Variants in TMCO4 observed in about 807,000 individuals in gnomAD.
TMCO4 encodes transmembrane and coiled-coil domain-containing protein 4.
Under a neutral mutation model 64.7 loss-of-function variants are expected in TMCO4, and 58 were observed. The observed-to-expected ratio is 0.90, with a 90% confidence interval of 0.73 to 1.12. The LOEUF is 1.12. TMCO4 is among the 50% of genes most tolerant of loss of function. The pLI is 0.00. For synonymous variants in TMCO4, 325 were observed against 346.1 expected, an observed-to-expected ratio of 0.94 and a Z score of 0.68; for missense variants, 780 against 825.9, an observed-to-expected ratio of 0.94 and a Z score of 0.68.
At chr1:19,707,637 C>A (rs901754891) in intron 13 of TMCO4, among the ~76,000 whole-genome samples, 3 of 152,074 alleles carry the variant, frequency 2.0e-5, no homozygotes, top group Admixed American at 6.6e-5. Flanking sequence ...AAATATATAA[C>A]CCCTTGAAGT....
chr1:19,741,877 C>G (rs1426830730), intron 10 of TMCO4, among the ~76,000 whole-genome samples: 1 of 151,764 alleles, frequency 6.6e-6, no homozygotes, highest in East Asian at 1.9e-4. Flanking sequence ...GCTGGAATTA[C>G]AGGCACCCAC....
At chr1:19,795,209 G>A (rs2044248118) in intron 2 of TMCO4, among the ~76,000 whole-genome samples, 1 of 151,862 alleles carries the variant, frequency 6.6e-6, no homozygotes, top group East Asian at 1.9e-4. Flanking sequence ...AGTGGCTCAC[G>A]CCTGCAATCC....
At chr1:19,698,516 T>C (rs1260803641) in intron 14 of TMCO4, among the ~76,000 whole-genome samples, 1 of 152,242 alleles carries the variant, frequency 6.6e-6, no homozygotes, top group Non-Finnish European at 1.5e-5. Context: ...GCTTTATTCA[T>C]GTAAATTACA....
At chr1:19,718,729 TG>T (rs1287185235) in intron 13 of TMCO4, among the ~76,000 whole-genome samples, 1 of 151,002 alleles carries the variant, frequency 6.6e-6, no homozygotes. Flanking sequence ...CCAAGGTGAC[TG>T]GGAAGAAGAA....
chr1:19,780,339 A>G (rs1307477726), intron 4 of TMCO4, among the ~76,000 whole-genome samples: 1 of 152,204 alleles, frequency 6.6e-6, no homozygotes, highest in African/African-American at 2.4e-5. Context: ...AACAGGAGGC[A>G]GAGGTCAGGC....
chr1:19,754,765 T>C (rs1182824385), intron 7 of TMCO4, among the ~76,000 whole-genome samples: 3 of 152,138 alleles, frequency 2.0e-5, no homozygotes, highest in Non-Finnish European at 4.4e-5. Context: ...GCAAAGCAAC[T>C]CTACAACTGA....
chr1:19,791,438 C>T (rs1450871236), intron 2 of TMCO4, among the ~76,000 whole-genome samples: 3 of 152,276 alleles, frequency 2.0e-5, no homozygotes, highest in East Asian at 3.9e-4. Context: ...CCCATGGTTC[C>T]AACTCTATGG....
Position 19,779,663 on chromosome 1 carries a change from C to A in TMCO4, c.179+917G>T, listed in dbSNP as rs114179299. Among the ~76,000 whole-genome samples the A allele has an allele frequency of 3.4e-3, 518 of 152,318 alleles. 4 individuals are homozygous for A. The highest frequency in any genetic ancestry group is 0.011 in the African/African-American group (463 of 41,568). On this transcript the variant is annotated intron_variant, in intron 4 of 15. Coordinates refer to ENST00000294543, the MANE Select transcript of TMCO4 (RefSeq NM_181719.7). ...CTGTTACAATCAGCCACCTGGGCAC[C>A]CCTACCTAGATGTAAGCACCTTGAG...
Position 19,746,613 on chromosome 1 carries a change from A to G in TMCO4, c.614-14T>C. ...CTCCAGTCACACCTGTGGGAAAAGC[A>G]GCAGTTTCAGGTGGGAGTAAAAATG... On this transcript the variant is annotated splice_polypyrimidine_tract_variant and intron_variant, in intron 8 of 15. Transcript: ENST00000294543. 1 of 1,596,140 alleles carries G rather than the reference A, an allele frequency of 6.3e-7. No homozygotes were observed. The highest frequency in any genetic ancestry group is 1.1e-5 in the South Asian group (1 of 89,568).
intron 4 of TMCO4, 151 bp downstream of exon 4, chr1:19,780,428 CG>C: frequency 3.3e-6 from 3 of 906,230 alleles, no homozygotes; most frequent in Middle Eastern, 5.7e-4. Context: ...TACTGGTCCA[CG>C]GCCTGGAGGT....
chr1:19,737,036 A>G (rs1297908593), intron 13 of TMCO4, among the ~76,000 whole-genome samples: 3 of 152,120 alleles, frequency 2.0e-5, no homozygotes, highest in Admixed American at 2.0e-4. Context: ...AAAATCCTCC[A>G]CTAGAGCCTT....
chr1:19,697,271 G>A (rs754584206), intron 14 of TMCO4, among the ~76,000 whole-genome samples: 10 of 152,202 alleles, frequency 6.6e-5, no homozygotes, highest in African/African-American at 1.7e-4. Flanking sequence ...ATATATATAC[G>A]TTTTGAGACA....
chr1:19,760,695 C>CTA (rs987336994), intron 6 of TMCO4, among the ~76,000 whole-genome samples: 4 of 152,236 alleles, frequency 2.6e-5, no homozygotes, highest in African/African-American at 7.2e-5. Flanking sequence ...TTTAAAACAA[C>CTA]TATATATATA....
At chr1:19,733,055 C>T (rs1236758100) in intron 13 of TMCO4, among the ~76,000 whole-genome samples, 2 of 152,134 alleles carry the variant, frequency 1.3e-5, no homozygotes, top group South Asian at 2.1e-4. Context: ...CACTTGAGGT[C>T]GGGAGTTTGG....
chr1:19,703,839 C>T (rs1205697240), intron 13 of TMCO4, among the ~76,000 whole-genome samples: 4 of 152,124 alleles, frequency 2.6e-5, no homozygotes, highest in East Asian at 1.9e-4. Context: ...TGAACCACCA[C>T]GCCCGTCCAG....
chr1:19,745,869 G>A (rs747086176), intron 9 of TMCO4, among the ~76,000 whole-genome samples: 86 of 152,240 alleles, frequency 5.6e-4, no homozygotes, highest in East Asian at 1.7e-3. Flanking sequence ...GCCAGCCCCC[G>A]AGCGGTAGAG....
chr1:19,701,961 C>T lies in TMCO4; in HGVS notation c.1265-1076G>A, dbSNP rs568758628. On this transcript the variant is annotated intron_variant, in intron 13 of 15. Coordinates refer to ENST00000294543, the MANE Select transcript of TMCO4 (RefSeq NM_181719.7). ...ACCAGCTTGGGCAACATAGTGAGAC[C>T]CTTGTCTTTTATTTATTTATTTCTT... Among the ~76,000 whole-genome samples the T allele has an allele frequency of 1.6e-3, 237 of 151,946 alleles. 5 individuals are homozygous for T. The Middle Eastern group carries it at 0.021, about 13-fold the overall frequency.
chr1:19,773,315 A>T (rs2043067512), intron 4 of TMCO4, among the ~76,000 whole-genome samples: 1 of 152,128 alleles, frequency 6.6e-6, no homozygotes, highest in East Asian at 1.9e-4. Flanking sequence ...CTGGGGAGGG[A>T]AGGGAGGAAG....
chr1:19,795,894 G>C (rs2044283579), intron 2 of TMCO4, among the ~76,000 whole-genome samples: 1 of 152,204 alleles, frequency 6.6e-6, no homozygotes, highest in Non-Finnish European at 1.5e-5. Context: ...GGCACCTGTG[G>C]ACGGGCCTAA....
Sources: gnomAD v4.1 joint callset for allele counts (sites outside exome capture counted in the v4.1 genomes callset) on GRCh38, gnomAD v4.1.1 for gene constraint, MANE v1.5 for transcripts, NCBI Gene and HGNC (gene_info 2026-07-23, HGNC 2026-07-21) for gene names.